Variants in WASL observed in about 807,000 individuals in gnomAD.
WASL encodes WASP like actin nucleation promoting factor, also known as actin nucleation-promoting factor WASL.
WASL carries 20 observed loss-of-function variants against 55.5 expected under a neutral mutation model. That is an observed-to-expected ratio of 0.36 (90% CI 0.25 to 0.52). The LOEUF (loss-of-function observed/expected upper bound fraction) is 0.52. Ranked by LOEUF, WASL falls within the 20% of genes least tolerant of loss-of-function variation. The pLI is 0.92. For missense variants in WASL, 504 were observed against 622.5 expected, an observed-to-expected ratio of 0.81 and a Z score of 2.03; for synonymous variants, 249 against 217.6, an observed-to-expected ratio of 1.14 and a Z score of -1.27.
intron 6 of WASL, 52 bp downstream of exon 6, chr7:123,696,527 A>T: frequency 1.4e-6 from 2 of 1,439,960 alleles, no homozygotes; most frequent in Non-Finnish European, 1.8e-6. Flanking sequence ...AATCAAGAAC[A>T]GCAATGAATA....
At chr7:123,730,607 C>T (rs1252898904) in intron 1 of WASL, among the ~76,000 whole-genome samples, 3 of 151,854 alleles carry the variant, frequency 2.0e-5, no homozygotes, top group Non-Finnish European at 4.4e-5. Flanking sequence ...ACATAAAATG[C>T]TCAATTAAAA....
intron 1 of WASL, among the ~76,000 whole-genome samples, chr7:123,711,285 CAAAAA>C (rs372795815): frequency 6.7e-6 from 1 of 149,748 alleles, no homozygotes; most frequent in Admixed American, 6.6e-5. Context: ...CAAAACAAAA[CAAAAA>C]AAAACCCAAA....
intron 1 of WASL, among the ~76,000 whole-genome samples, chr7:123,740,342 T>G (rs1804318064): frequency 6.6e-6 from 1 of 152,168 alleles, no homozygotes; most frequent in Admixed American, 6.5e-5. Context: ...TACAGTGCAT[T>G]AACTCCTATG....
intron 1 of WASL, among the ~76,000 whole-genome samples, chr7:123,718,585 G>A (rs1381072146): frequency 6.6e-6 from 1 of 151,962 alleles, no homozygotes; most frequent in Non-Finnish European, 1.5e-5. Context: ...TTAAGAGAAA[G>A]GGTCTCACTA....
chr7:123,735,875 A>C (rs1049022626), intron 1 of WASL, among the ~76,000 whole-genome samples: 2 of 152,144 alleles, frequency 1.3e-5, no homozygotes, highest in African/African-American at 4.8e-5. Flanking sequence ...AAAGAGAAGT[A>C]GATACTTGAA....
At chr7:123,705,250 GAT>G (rs1434091650) in intron 4 of WASL, among the ~76,000 whole-genome samples, 1 of 152,130 alleles carries the variant, frequency 6.6e-6, no homozygotes, top group Non-Finnish European at 1.5e-5. Flanking sequence ...ATAGGACTCT[GAT>G]AGGATTTATG....
At chr7:123,714,112 C>A (rs1803800953) in intron 1 of WASL, among the ~76,000 whole-genome samples, 1 of 152,152 alleles carries the variant, frequency 6.6e-6, no homozygotes, top group African/African-American at 2.4e-5. Context: ...ATGTAGTGAT[C>A]TCATGAAACA....
chr7:123,731,847 C>A (rs369665116), intron 1 of WASL, among the ~76,000 whole-genome samples: 1 of 151,536 alleles, frequency 6.6e-6, no homozygotes. Context: ...ATCTAACTTA[C>A]GAAACTAGAA....
rs1168168286 is a variant in WASL at position 123,700,175 on chromosome 7, CAAAAAAAAAAAAAAA to C, written c.461-3443_461-3429del. 3.8e-4 allele frequency among the ~76,000 whole-genome samples: 18 copies of C among 47,352 alleles called. No homozygotes were observed. The South Asian group carries it at 6.5e-3, about 17-fold the overall frequency. 31.1% of individuals were successfully genotyped at this position (47,352 alleles called of 152,430 possible). A position where few individuals can be genotyped will look rare whatever the true frequency, so the allele number is the denominator to read the frequency against. ...TGGGCAACAGAGCGAAACTCCGTCT[CAAAAAAAAAAAAAAA>C]AAAAAAAAAAAAAAAAACAACATTA... On this transcript the variant is annotated intron_variant, in intron 5 of 10. Transcript: ENST00000223023.
intron 1 of WASL, among the ~76,000 whole-genome samples, chr7:123,740,720 G>C (rs1219808326): frequency 6.6e-6 from 1 of 151,774 alleles, no homozygotes; most frequent in Non-Finnish European, 1.5e-5. Flanking sequence ...CTCAGCCTCT[G>C]GAGTAACTGG....
rs1246385529 is a variant in WASL, at chr7:123,692,513, T to C, written c.1181A>G (p.Asp394Gly). The change falls in exon 9 of 11, where the codon GAT becomes GGT. Residue 394 changes from aspartate to glycine, a missense_variant. Physicochemically the swap from Asp to Gly is moderately conservative, Grantham distance 94. This residue lies in a region of WASL where 201 missense variants were observed against 206.2 expected (regional missense o/e 0.97). Transcript: ENST00000223023. ...GPPPPPGLPSDGDHQVPTTAG... is the reference protein window; with the variant it reads ...GPPPPPGLPSGGDHQVPTTAG... ...AGTAGTTGGAACCTGATGGTCCCCA[T>C]CAGAAGGCAGGCCAGGCGGGGGCGG... 3.1e-6 allele frequency: 5 copies of C among 1,613,820 alleles called. No individual in the cohort carries two copies. Among genetic ancestry groups the C allele is most frequent in the Middle Eastern group, 3.3e-4 (2 of 6,062 alleles).
intron 10 of WASL, 125 bp from the exon 11 acceptor site, chr7:123,684,705 T>C (rs1803260570): frequency 2.3e-6 from 2 of 867,916 alleles, no homozygotes; most frequent in Non-Finnish European, 3.1e-6. Flanking sequence ...AAGAATCTAG[T>C]TACTAAAACA....
chr7:123,686,211 T>TTTA (rs1173958420), intron 10 of WASL, among the ~76,000 whole-genome samples: 1 of 151,862 alleles, frequency 6.6e-6, no homozygotes, highest in Non-Finnish European at 1.5e-5. Flanking sequence ...TATTTATTTA[T>TTTA]TTATTTATTT....
Position 123,748,865 on chromosome 7 carries a change from G to T in WASL, c.-131C>A, listed in dbSNP as rs1296129298. 8.2e-6 allele frequency: 6 copies of T among 728,038 alleles called. No individual in the cohort carries two copies. The highest frequency in any genetic ancestry group is 6.4e-6 in the Non-Finnish European group (3 of 465,192). The allele number at this position is 728,038 out of a possible 1,614,324, so 45.1% of individuals were successfully genotyped here. A position where few individuals can be genotyped will look rare whatever the true frequency, so the allele number is the denominator to read the frequency against. ...CGCCACATCTCGCAGCTCCTCCGGA[G>T]CGGGGAGGAGGACGAGGTCGAGGGA... On this transcript the variant is annotated 5_prime_UTR_variant, in exon 1 of 11. Transcript: ENST00000223023.
chr7:123,687,378 T>C (rs1231362926), intron 10 of WASL, among the ~76,000 whole-genome samples: 1 of 152,138 alleles, frequency 6.6e-6, no homozygotes, highest in East Asian at 1.9e-4. Context: ...CTACTTCTTG[T>C]ATTTCATTCC....
intron 3 of WASL, 99 bp downstream of exon 3, chr7:123,706,641 T>C (rs1803676312): frequency 4.0e-6 from 4 of 991,836 alleles, no homozygotes; most frequent in Admixed American, 5.9e-5. Context: ...AAATAGCAAA[T>C]TGAATTTGAT....
At chr7:123,712,334 A>G (rs948077913) in intron 1 of WASL, among the ~76,000 whole-genome samples, 2 of 152,160 alleles carry the variant, frequency 1.3e-5, no homozygotes, top group African/African-American at 2.4e-5. Context: ...CACTCCACCT[A>G]TACTTTGTCC....
chr7:123,697,586 G>GA (rs1803513044), intron 5 of WASL, among the ~76,000 whole-genome samples: 1 of 152,182 alleles, frequency 6.6e-6, no homozygotes. Context: ...ATGGTTCTCT[G>GA]ACAAATCCTC....
intron 1 of WASL, among the ~76,000 whole-genome samples, chr7:123,711,395 A>G (rs1180757156): frequency 1.3e-5 from 2 of 152,212 alleles, no homozygotes; most frequent in Non-Finnish European, 2.9e-5. Context: ...CACAGACAGG[A>G]TACTGCATTA....
Sources: gnomAD v4.1 joint callset for allele counts (sites outside exome capture counted in the v4.1 genomes callset) on GRCh38, gnomAD v4.1.1 for gene constraint, gnomAD v4.1.1 regional missense constraint, MANE v1.5 for transcripts, NCBI Gene and HGNC (gene_info 2026-07-23, HGNC 2026-07-21) for gene names.